The following AP4E1 variants were observed in gnomAD, a reference collection of about 807,000 sequenced individuals.
AP4E1 encodes the protein adaptor related protein complex 4 subunit epsilon 1.
A neutral mutation model predicts 128.2 loss-of-function variants in AP4E1; 56 were observed. That is an observed-to-expected ratio of 0.44 (90% confidence interval 0.35 to 0.55). The LOEUF is 0.55. Among genes scored for constraint, AP4E1 ranks in the 20% least tolerant of loss-of-function variants. AP4E1 has a pLI of 0.00. For synonymous variants in AP4E1, 484 were observed against 473.1 expected, an observed-to-expected ratio of 1.02 and a Z score of -0.30; for missense variants, 1,324 against 1,307.7, an observed-to-expected ratio of 1.01 and a Z score of -0.19.
In AP4E1 at chr15:50,908,914, C is replaced by G; in HGVS notation, c.136C>G (p.Leu46Val). The G allele has an allele frequency of 6.2e-7, 1 of 1,611,026 alleles. No individual in the cohort carries two copies. The highest frequency in any genetic ancestry group is 8.5e-7 in the Non-Finnish European group (1 of 1,179,486). ...LGSLVRGITALTSKHEEEKLI... is the reference protein window; with the variant it reads ...LGSLVRGITAVTSKHEEEKLI... ...CAGCCTTGTCCGCGGCATCACAGCCCTCACCTCCAAGCACGTAGGTGCCCG... is the reference window on the plus strand; with the variant it reads ...CAGCCTTGTCCGCGGCATCACAGCCGTCACCTCCAAGCACGTAGGTGCCCG... Residue 46 changes from leucine to valine, a missense_variant, in exon 1 of 21, where the codon CTC (leucine) becomes GTC (valine). By Grantham distance (32) the Leu-to-Val change is conservative. Coordinates refer to ENST00000261842, the MANE Select transcript of AP4E1 (RefSeq NM_007347.5).
chr15:50,945,952 C>A, intron 10 of AP4E1: 1 of 1,301,856 alleles, frequency 7.7e-7, no homozygotes, highest in Non-Finnish European at 1.1e-6. Context: ...TGGATCTGTG[C>A]CAATTGTGTC....
Position 50,979,846 on chromosome 15 carries a change from G to A in AP4E1, c.1967-4176G>A, listed in dbSNP as rs1027107543. Among the ~76,000 whole-genome samples the A allele has an allele frequency of 2.6e-5, 4 of 152,102 alleles. No homozygotes were observed. In the East Asian group the frequency reaches 5.8e-4, roughly 22 times the overall value. Reference sequence around the variant, plus strand: ...TTCATTATAAATTACCTGTTCTGTGGTATTCTGTTATAGCAACATAAAATG... The same window carrying A: ...TTCATTATAAATTACCTGTTCTGTGATATTCTGTTATAGCAACATAAAATG... On this transcript the variant is annotated intron_variant, in intron 15 of 20. Transcript: ENST00000261842.
At chr15:50,976,327 C>A (rs536317937) in intron 15 of AP4E1, among the ~76,000 whole-genome samples, 2 of 152,176 alleles carry the variant, frequency 1.3e-5, no homozygotes, top group African/African-American at 2.4e-5. Flanking sequence ...AAATTGAATA[C>A]CCTTTCATGA....
At chr15:50,915,061 C>T (rs2063613195) in intron 2 of AP4E1, among the ~76,000 whole-genome samples, 1 of 152,110 alleles carries the variant, frequency 6.6e-6, no homozygotes, top group African/African-American at 2.4e-5. Context: ...TGGATGTTTT[C>T]ATTTGACAAA....
At chr15:50,995,200 T>C (rs1368669249) in intron 17 of AP4E1, among the ~76,000 whole-genome samples, 1 of 152,152 alleles carries the variant, frequency 6.6e-6, no homozygotes, top group Non-Finnish European at 1.5e-5. Flanking sequence ...TGGATGGCTG[T>C]TTTTCTTCAG....
At chr15:50,908,006 C>A (rs1401976230), upstream of AP4E1, among the ~76,000 whole-genome samples, 3 of 152,232 alleles carry the variant, frequency 2.0e-5, no homozygotes, top group African/African-American at 7.2e-5. Flanking sequence ...CCCGCCGGGC[C>A]AGGGGAGTGG....
At chr15:50,960,564 T>G (rs1044380703) in intron 14 of AP4E1, among the ~76,000 whole-genome samples, 11 of 152,028 alleles carry the variant, frequency 7.2e-5, no homozygotes, top group Admixed American at 6.5e-4. Flanking sequence ...ATGAAAAAAT[T>G]TCTTGAATCT....
At chr15:50,993,712 C>T in intron 17 of AP4E1, 87 bp downstream of exon 17, 1 of 1,535,638 alleles carries the variant, frequency 6.5e-7, no homozygotes, top group Non-Finnish European at 8.9e-7. Context: ...TGGCTGTCGT[C>T]TATATGTATA....
At chr15:50,965,928 T>A (rs1475822518) in intron 14 of AP4E1, among the ~76,000 whole-genome samples, 3 of 152,210 alleles carry the variant, frequency 2.0e-5, no homozygotes, top group Non-Finnish European at 4.4e-5. Context: ...AACTTTCTTT[T>A]TTTTTTTGAG....
At chr15:50,911,957 C>A in intron 1 of AP4E1, 121 bp from the exon 2 acceptor site, 1 of 852,172 alleles carries the variant, frequency 1.2e-6, no homozygotes, top group Non-Finnish European at 1.9e-6. Flanking sequence ...TGTAACTCTC[C>A]TTTAAAATAA....
chr15:50,934,844 A>C, intron 8 of AP4E1, 147 bp downstream of exon 8: 1 of 589,238 alleles, frequency 1.7e-6, no homozygotes, highest in Non-Finnish European at 3.0e-6. Flanking sequence ...TTTCAATGTA[A>C]GCATTTAATT....
intron 8 of AP4E1, among the ~76,000 whole-genome samples, chr15:50,940,447 G>A (rs2063970139): frequency 6.6e-6 from 1 of 152,120 alleles, no homozygotes; most frequent in Admixed American, 6.5e-5. Flanking sequence ...AGGCAACATA[G>A]TGTAAAACAT....
At chr15:50,940,635 T>A (rs1188007103) in intron 8 of AP4E1, among the ~76,000 whole-genome samples, 1 of 152,240 alleles carries the variant, frequency 6.6e-6, no homozygotes, top group Non-Finnish European at 1.5e-5. Context: ...TCTGATACTA[T>A]GATTCCATAG....
At chr15:50,989,014 C>T (rs1421712572) in intron 16 of AP4E1, among the ~76,000 whole-genome samples, 4 of 152,108 alleles carry the variant, frequency 2.6e-5, no homozygotes, top group Non-Finnish European at 4.4e-5. Flanking sequence ...GTACATAGTA[C>T]AGCCCAGTTC....
At chr15:50,978,638 C>T (rs897492677) in intron 15 of AP4E1, among the ~76,000 whole-genome samples, 1 of 152,154 alleles carries the variant, frequency 6.6e-6, no homozygotes, top group East Asian at 1.9e-4. Context: ...GCTCCCAACT[C>T]GAAGGACTCT....
chr15:50,958,737 G>A lies in AP4E1; in HGVS notation c.1794G>A (p.Glu598=), dbSNP rs769354262. ...QHAFELKHLH[E]NVELMKSLLP... is the part of the protein sequence containing the mutation. ...CATTTGAATTAAAACATTTGCATGA[G>A]AATGTGGAACTTATGAAGAGCTTGC... The change falls in exon 14 of 21, where the codon GAG becomes GAA. Residue 598 remains glutamate (E), a synonymous_variant. Coordinates refer to ENST00000261842, the MANE Select transcript of AP4E1 (RefSeq NM_007347.5). 4 of 1,614,050 alleles carry A rather than the reference G, an allele frequency of 2.5e-6. No homozygotes were observed. The highest frequency in any genetic ancestry group is 3.3e-5 in the Admixed American group (2 of 60,004).
chr15:50,922,764 T>C (rs2063721943), intron 3 of AP4E1, among the ~76,000 whole-genome samples: 1 of 150,642 alleles, frequency 6.6e-6, no homozygotes, highest in African/African-American at 2.4e-5. Context: ...CCTTGAGAAA[T>C]TGCCTTTTTT....
At chr15:50,962,674 C>T (rs1459262615) in intron 14 of AP4E1, among the ~76,000 whole-genome samples, 1 of 151,674 alleles carries the variant, frequency 6.6e-6, no homozygotes, top group African/African-American at 2.4e-5. Context: ...AGAGGAAATG[C>T]TTTAGGACAT....
chr15:50,923,928 T>C lies in AP4E1; in HGVS notation c.347-3T>C, dbSNP rs1322172260. 3 of 1,609,544 alleles carry C rather than the reference T, an allele frequency of 1.9e-6. No homozygotes were observed. Among genetic ancestry groups the C allele is most frequent in the Non-Finnish European group, 2.6e-6 (3 of 1,176,304 alleles). ...AATCAGACTTTTCCCTCAACTTTTA[T>C]AGGTTATTTGGCTGTTTCCTTATTT... On this transcript the variant is annotated splice_region_variant and splice_polypyrimidine_tract_variant and intron_variant, in intron 3 of 20. Coordinates refer to ENST00000261842, the MANE Select transcript of AP4E1 (RefSeq NM_007347.5).
Sources: allele counts gnomAD v4.1 joint callset (sites outside exome capture counted in the v4.1 genomes callset), GRCh38; gene constraint gnomAD v4.1.1; transcripts MANE v1.5; gene names NCBI Gene and HGNC (gene_info 2026-07-23, HGNC 2026-07-21).